KMT2C: variants seen among roughly 807,000 people sequenced by gnomAD.
KMT2C encodes the protein histone-lysine N-methyltransferase 2C.
A neutral mutation model predicts 507.9 loss-of-function variants in KMT2C; 88 were observed. That is an observed-to-expected ratio of 0.17 (90% confidence interval 0.15 to 0.21). KMT2C has a LOEUF of 0.21. KMT2C is among the 10% of genes least tolerant of loss of function. The pLI is 1.00. For synonymous variants in KMT2C, 2,049 were observed against 2,080.8 expected (o/e 0.98, Z 0.42); for missense variants, 4,954 against 5,957.8 (o/e 0.83, Z 5.55).
At chr7:152,145,638 A>T (rs1403856940) in intron 53 of KMT2C, among the ~76,000 whole-genome samples, 1 of 152,236 alleles carries the variant, frequency 6.6e-6, no homozygotes, top group African/African-American at 2.4e-5. Flanking sequence ...AGGGCATGTA[A>T]TGATTCGCAT....
intron 51 of KMT2C, 96 bp downstream of exon 51, chr7:152,150,804 T>C: frequency 1.2e-6 from 1 of 839,596 alleles, no homozygotes; most frequent in Non-Finnish European, 2.0e-6. Flanking sequence ...CAGAGCTCCA[T>C]GAAGGCAGGG....
chr7:152,431,797 AATT>A (rs1304369345), intron 1 of KMT2C, among the ~76,000 whole-genome samples: 5 of 152,164 alleles, frequency 3.3e-5, no homozygotes, highest in Non-Finnish European at 2.9e-5. Flanking sequence ...TTGGACAATA[AATT>A]ATTAAGAATT....
At chr7:152,248,757 T>C (rs1343519406) in intron 13 of KMT2C, 137 bp from the exon 14 acceptor site, 5 of 594,342 alleles carry the variant, frequency 8.4e-6, no homozygotes, top group Non-Finnish European at 1.5e-5. Context: ...ATTAAGTGAA[T>C]GAAAGCCAAA....
In KMT2C at chr7:152,249,887, A is replaced by C. The variant is rs756768425; in HGVS notation, c.1802T>G (p.Leu601Arg). The C allele has an allele frequency of 4.1e-5, 65 of 1,588,364 alleles. No homozygotes were observed. The highest frequency in any genetic ancestry group is 3.7e-4 in the Admixed American group (22 of 59,922). Residue 601 changes from leucine (L) to arginine (R), a missense_variant, in exon 13 of 59, where the codon CTT becomes CGT. By Grantham distance (102) the Leu-to-Arg change is moderately radical. This residue lies in a region of KMT2C where 376 missense variants were observed against 352.4 expected (regional missense o/e 1.07). Coordinates refer to ENST00000262189, the MANE Select transcript of KMT2C (RefSeq NM_170606.3). ...HPSESLDTDS[L>R]LIAVSSQHTV... ...AACATACTGCTTACCAGCAATAAGA[A>C]GACTATCTGTGTCAAGACTTTCTGA...
chr7:152,177,733 A>G lies in KMT2C; in HGVS notation c.7720T>C (p.Phe2574Leu), dbSNP rs1455542645. 2 of 1,613,994 alleles carry G rather than the reference A, an allele frequency of 1.2e-6. No homozygotes were observed. The highest frequency in any genetic ancestry group is 8.5e-7 in the Non-Finnish European group (1 of 1,180,028). ...RAPDGRQRLP[F>L]SAPPGSVVEA... The stretch of plus-strand genomic sequence containing the variant: ...ACAACGCTGCCAGGTGGAGCACTGA[A>G]AGGCAGCCGTTGCCTTCCGTCAGGA... The change falls in exon 38 of 59, where the codon TTC becomes CTC. Residue 2574 changes from phenylalanine to leucine, a missense_variant. Around this residue, in one of 29 missense-constraint regions of KMT2C, gnomAD observed 1,689 missense variants for 1,654.3 expected, o/e 1.02. Coordinates refer to ENST00000262189, the MANE Select transcript of KMT2C (RefSeq NM_170606.3).
chr7:152,140,512 T>TG (rs2090418695), intron 55 of KMT2C, among the ~76,000 whole-genome samples: 1 of 152,316 alleles, frequency 6.6e-6, no homozygotes, highest in South Asian at 2.1e-4. Flanking sequence ...TAACAAAATA[T>TG]GGGTCTTTGC....
intron 6 of KMT2C, among the ~76,000 whole-genome samples, chr7:152,284,143 A>G (rs1336984334): frequency 6.6e-6 from 1 of 152,188 alleles, no homozygotes; most frequent in African/African-American, 2.4e-5. Flanking sequence ...GCTTAGCTAC[A>G]GGTATAAAAC....
In KMT2C at chr7:152,174,009, TTAAA is replaced by T. The variant is rs564187755; in HGVS notation, c.9374+118_9374+121del. 270 of 549,632 alleles carry T rather than the reference TTAAA, an allele frequency of 4.9e-4. 2 individuals carry two copies. The highest frequency in any genetic ancestry group is 4.9e-3 in the African/African-American group (252 of 51,544). The allele number at this position is 549,632 out of a possible 1,614,324, so 34.0% of individuals were successfully genotyped here. ...CATATCGAGCTGATGCCATGACAAC[TTAAA>T]TAGTGTTGTTCATTCCTAGACAAGG... On this transcript the variant is annotated intron_variant, in intron 39 of 58. Coordinates refer to ENST00000262189, the MANE Select transcript of KMT2C (RefSeq NM_170606.3).
intron 42 of KMT2C, among the ~76,000 whole-genome samples, chr7:152,164,357 T>G (rs956758230): frequency 1.3e-5 from 2 of 151,436 alleles, no homozygotes; most frequent in Non-Finnish European, 2.9e-5. Context: ...TGGCGCGATC[T>G]CGGCTCACTG....
chr7:152,323,908 T>C (rs116540323), intron 3 of KMT2C, among the ~76,000 whole-genome samples: 1 of 151,438 alleles, frequency 6.6e-6, no homozygotes, highest in East Asian at 2.0e-4. Flanking sequence ...GAGGATATCA[T>C]GCTAAGTGAA....
At chr7:152,278,124 C>A (rs2096122430) in intron 6 of KMT2C, among the ~76,000 whole-genome samples, 1 of 152,104 alleles carries the variant, frequency 6.6e-6, no homozygotes, top group Non-Finnish European at 1.5e-5. Context: ...TCCCTCATGG[C>A]TTGGTGCTGT....
chr7:152,161,511 G>A (rs1211321755), intron 43 of KMT2C, among the ~76,000 whole-genome samples: 1 of 151,996 alleles, frequency 6.6e-6, no homozygotes, highest in Non-Finnish European at 1.5e-5. Flanking sequence ...CTGAAATAAA[G>A]GGGACAGATT....
At chr7:152,361,160 A>G (rs1411471059) in intron 1 of KMT2C, among the ~76,000 whole-genome samples, 2 of 152,202 alleles carry the variant, frequency 1.3e-5, no homozygotes, top group Non-Finnish European at 2.9e-5. Flanking sequence ...AAATAAAAAG[A>G]CTACAAAACC....
chr7:152,311,580 T>C (rs185527675), intron 5 of KMT2C, among the ~76,000 whole-genome samples: 15 of 152,342 alleles, frequency 9.8e-5, no homozygotes, highest in Middle Eastern at 3.4e-3. Flanking sequence ...AATACAAGTA[T>C]TTTAAAAAGC....
rs2097261791 is a variant in KMT2C at position 152,368,072 on chromosome 7, G to C, written c.162-9397C>G. ...AAAATAAACTTGCTAAAAAGGTAAAGGACTGTTTACCTCTTGCTGTGGTAA... is the reference window on the plus strand; with the variant it reads ...AAAATAAACTTGCTAAAAAGGTAAACGACTGTTTACCTCTTGCTGTGGTAA... On this transcript the variant is annotated intron_variant, in intron 1 of 58. Coordinates refer to ENST00000262189, the MANE Select transcript of KMT2C (RefSeq NM_170606.3). 4.5e-6 allele frequency: 4 copies of C among 883,424 alleles called. No homozygotes were observed. In the African/African-American group the frequency reaches 6.6e-5, roughly 15 times the overall value. 54.7% of individuals were successfully genotyped at this position (883,424 alleles called of 1,614,324 possible).
At chr7:152,173,943 T>C (rs575537357) in intron 39 of KMT2C, among the ~76,000 whole-genome samples, 188 bp downstream of exon 39, 14 of 152,258 alleles carry the variant, frequency 9.2e-5, no homozygotes, top group Non-Finnish European at 1.5e-4. Context: ...AACTGGTTCT[T>C]ACACTAATTT....
intron 27 of KMT2C, among the ~76,000 whole-genome samples, chr7:152,198,125 T>C (rs1288607864): frequency 6.6e-6 from 1 of 152,186 alleles, no homozygotes; most frequent in African/African-American, 2.4e-5. Context: ...ACATTATTTT[T>C]AACAACATAC....
intron 2 of KMT2C, among the ~76,000 whole-genome samples, chr7:152,356,017 AG>A (rs558002995): frequency 2.6e-5 from 4 of 152,184 alleles, no homozygotes; most frequent in African/African-American, 9.6e-5. Context: ...AATACATGAG[AG>A]GGGACACAAT....
rs1179138906 is a variant in KMT2C, at chr7:152,183,060, G to A, written c.5179C>T (p.Pro1727Ser). Reference protein sequence around the residue: ...KRQQQQDSIDPSSRIDSELFK... With the variant: ...KRQQQQDSIDSSSRIDSELFK... ...AGCTCCGAATCAATACGAGAGCTGG[G>A]ATCAATGCTATCTTGCTGTTGCTGC... Residue 1727 changes from proline to serine, a missense_variant, in exon 35 of 59, where the codon CCC becomes TCC. By Grantham distance (74) the Pro-to-Ser change is moderately conservative. Coordinates refer to ENST00000262189, the MANE Select transcript of KMT2C (RefSeq NM_170606.3). The A allele has an allele frequency of 6.2e-7, 1 of 1,612,884 alleles. No homozygotes were observed. The highest frequency in any genetic ancestry group is 8.5e-7 in the Non-Finnish European group (1 of 1,179,304).
Sources: allele counts gnomAD v4.1 joint callset (sites outside exome capture counted in the v4.1 genomes callset), GRCh38; gene constraint gnomAD v4.1.1; regional missense constraint gnomAD v4.1.1; transcripts MANE v1.5; gene names NCBI Gene and HGNC (gene_info 2026-07-23, HGNC 2026-07-21).